The following ARHGAP28 variants were observed in gnomAD, a reference collection of about 807,000 sequenced individuals.
ARHGAP28 encodes the protein Rho GTPase activating protein 28.
ARHGAP28 carries 56 observed loss-of-function variants against 90.7 expected under a neutral mutation model. The ratio of observed to expected loss-of-function variants is 0.62; its 90% CI spans 0.50 to 0.77. The LOEUF is 0.77. Among genes scored for constraint, ARHGAP28 ranks in the 30% least tolerant of loss-of-function variants. ARHGAP28 has a pLI of 0.00. For missense variants in ARHGAP28, 869 were observed against 900.9 expected (o/e 0.96, Z 0.45); for synonymous variants, 308 against 323.3 (o/e 0.95, Z 0.51).
chr18:6,830,327 C>T (rs535701443), intron 2 of ARHGAP28, among the ~76,000 whole-genome samples: 10 of 151,768 alleles, frequency 6.6e-5, no homozygotes, highest in African/African-American at 2.4e-4. Flanking sequence ...GAATGCTATT[C>T]TTTTTTTATT....
At chr18:6,781,740 A>G (rs892055287) in intron 1 of ARHGAP28, among the ~76,000 whole-genome samples, 1 of 152,164 alleles carries the variant, frequency 6.6e-6, no homozygotes, top group Non-Finnish European at 1.5e-5. Context: ...CATGGCCTCT[A>G]ATTGCTCATA....
At chr18:6,901,047 G>A (rs1341285644) in intron 16 of ARHGAP28, among the ~76,000 whole-genome samples, 1 of 152,164 alleles carries the variant, frequency 6.6e-6, no homozygotes, top group African/African-American at 2.4e-5. Flanking sequence ...CAGCAAAAAT[G>A]TCCTTCTGGA....
intron 1 of ARHGAP28, 144 bp from the exon 2 acceptor site, chr18:6,824,618 C>T (rs1157199921): frequency 1.6e-6 from 1 of 642,524 alleles, no homozygotes; most frequent in Non-Finnish European, 2.5e-6. Context: ...GGAGATTATT[C>T]CCTCAAACCT....
At chr18:6,850,748 C>T (rs2056903354) in intron 3 of ARHGAP28, 1 of 1,438,884 alleles carries the variant, frequency 6.9e-7, no homozygotes, top group African/African-American at 1.5e-5. Flanking sequence ...GGAGCAAAAT[C>T]ATGATATTCA....
At chr18:6,757,316 G>A (rs915080560) in intron 1 of ARHGAP28, among the ~76,000 whole-genome samples, 8 of 152,124 alleles carry the variant, frequency 5.3e-5, no homozygotes, top group African/African-American at 1.9e-4. Context: ...AAAATAGGGG[G>A]CAGGGCAGTG....
At chr18:6,811,720 G>GT (rs1567955533) in intron 1 of ARHGAP28, among the ~76,000 whole-genome samples, 1 of 148,506 alleles carries the variant, frequency 6.7e-6, no homozygotes, top group African/African-American at 2.6e-5. Flanking sequence ...ACATAGTGCT[G>GT]TTTTTTCTTT....
At chr18:6,896,400 C>G (rs2057304842) in intron 15 of ARHGAP28, 102 bp from the exon 16 acceptor site, 27 of 1,343,932 alleles carry the variant, frequency 2.0e-5, no homozygotes, top group Non-Finnish European at 2.8e-5. Context: ...GATGTGTTTT[C>G]CTAATTCAGA....
chr18:6,756,480 C>G (rs944587626), intron 1 of ARHGAP28, among the ~76,000 whole-genome samples: 5 of 152,254 alleles, frequency 3.3e-5, no homozygotes, highest in African/African-American at 9.6e-5. Context: ...AGGTTGATTT[C>G]TTAATATACA....
At chr18:6,862,965 GT>G (rs1158044002) in intron 5 of ARHGAP28, among the ~76,000 whole-genome samples, 1 of 151,956 alleles carries the variant, frequency 6.6e-6, no homozygotes, top group Non-Finnish European at 1.5e-5. Flanking sequence ...AGGAAAGTAG[GT>G]TTTTTTGTTT....
intron 1 of ARHGAP28, among the ~76,000 whole-genome samples, chr18:6,810,192 A>G (rs1310201815): frequency 6.6e-6 from 1 of 152,124 alleles, no homozygotes. Context: ...GATACCAGTA[A>G]GTGTATTGAT....
Position 6,824,746 on chromosome 18 carries a change from AT to A in ARHGAP28, c.123-14del. 6.6e-7 allele frequency: 1 copy of A among 1,526,200 alleles called. No individual in the cohort carries two copies. The highest frequency in any genetic ancestry group is 8.7e-7 in the Non-Finnish European group (1 of 1,143,230). The allele number at this position is 1,526,200 out of a possible 1,614,324, so 94.5% of individuals were successfully genotyped here. A position where few individuals can be genotyped will look rare whatever the true frequency, so the allele number is the denominator to read the frequency against. On this transcript the variant is annotated splice_polypyrimidine_tract_variant and intron_variant, in intron 1 of 17. Transcript: ENST00000383472. Reference sequence around the variant, plus strand: ...ATATAACCCGTTTTTATTCATAGATATTATTCTTTCCTCAGAAAATCCATTC... The same window carrying A: ...ATATAACCCGTTTTTATTCATAGATATATTCTTTCCTCAGAAAATCCATTC...
chr18:6,859,895 G>C lies in ARHGAP28; in HGVS notation c.724G>C (p.Val242Leu), dbSNP rs1462473966. 2 of 1,613,780 alleles carry C rather than the reference G, an allele frequency of 1.2e-6. No homozygotes were observed. The highest frequency in any genetic ancestry group is 1.7e-6 in the Non-Finnish European group (2 of 1,179,774). ...GSFAVPRSDS[V>L]AILETIPVLP... The stretch of plus-strand genomic sequence containing the variant: ...TTTTGCGGTTCCCAGGAGTGACTCT[G>C]TGGTAAGTCATCCATGTCAGCACAG... Residue 242 changes from valine to leucine, a missense_variant and splice_region_variant, in exon 5 of 18, where the codon GTG (valine) becomes CTG (leucine). By Grantham distance (32) the Val-to-Leu change is conservative (BLOSUM62 1). Transcript: ENST00000383472.
Position 6,730,223 on chromosome 18 carries a change from A to ATG in ARHGAP28, c.122+281_122+282insGT, listed in dbSNP as rs2055867953. On this transcript the variant is annotated intron_variant, in intron 1 of 17. Transcript: ENST00000383472. ...TACGATTTGAGGATAAGTCATGTGT[A>ATG]TATATATATATATACCTCATTTCGG... 3.0e-5 allele frequency: 6 copies of ATG among 197,234 alleles called. No homozygotes were observed. The East Asian group carries it at 5.4e-4, about 18-fold the overall frequency. The allele number at this position is 197,234 out of a possible 1,614,324, so 12.2% of individuals were successfully genotyped here. A position where few individuals can be genotyped will look rare whatever the true frequency, so the allele number is the denominator to read the frequency against.
Position 6,870,576 on chromosome 18 carries a change from T to C in ARHGAP28, c.812-14T>C. The C allele has an allele frequency of 6.3e-7, 1 of 1,598,244 alleles. No individual in the cohort carries two copies. The highest frequency in any genetic ancestry group is 8.5e-7 in the Non-Finnish European group (1 of 1,170,462). ...AGCATATTAAATAGTCTGTATTCTTTGTTTTGTCTTTAGATGATGATTTTC... is the reference window on the plus strand; with the variant it reads ...AGCATATTAAATAGTCTGTATTCTTCGTTTTGTCTTTAGATGATGATTTTC... On this transcript the variant is annotated splice_polypyrimidine_tract_variant and intron_variant, in intron 6 of 17. Coordinates refer to ENST00000383472, the MANE Select transcript of ARHGAP28 (RefSeq NM_001366230.1).
chr18:6,854,573 T>C (rs1233642546), intron 4 of ARHGAP28, among the ~76,000 whole-genome samples: 1 of 152,166 alleles, frequency 6.6e-6, no homozygotes, highest in Non-Finnish European at 1.5e-5. Flanking sequence ...AGCTCCTAAA[T>C]TTTATTGAAG....
chr18:6,880,022 G>C (rs2057164918), intron 10 of ARHGAP28, among the ~76,000 whole-genome samples: 1 of 152,192 alleles, frequency 6.6e-6, no homozygotes, highest in Non-Finnish European at 1.5e-5. Flanking sequence ...TTCCTTTGCA[G>C]AGGTATGTGG....
intron 4 of ARHGAP28, among the ~76,000 whole-genome samples, chr18:6,857,809 T>A (rs2056965690): frequency 6.6e-6 from 1 of 152,248 alleles, no homozygotes; most frequent in South Asian, 2.1e-4. Flanking sequence ...TGCAGAGGCA[T>A]AGAGCTGGAC....
chr18:6,779,624 C>T (rs1276486340), intron 1 of ARHGAP28, among the ~76,000 whole-genome samples: 3 of 152,168 alleles, frequency 2.0e-5, no homozygotes, highest in Non-Finnish European at 4.4e-5. Flanking sequence ...ACTATCTGCC[C>T]CAGTTCTAGG....
At position 6,729,846 on chromosome 18, in the gene ARHGAP28, G is replaced by A. The variant is rs1479747716; in HGVS notation, c.25G>A (p.Val9Met). The change falls in exon 1 of 18, where the codon GTG becomes ATG. Residue 9 changes from valine (V) to methionine (M), a missense_variant. Transcript: ENST00000383472. Reference protein sequence around the residue: MEVEDSGGVVLTAYHSYAR... With the variant: MEVEDSGGMVLTAYHSYAR... ...GATGGAGGTGGAGGACTCGGGCGGC[G>A]TGGTGCTGACCGCCTACCACTCGTA... 5 of 1,429,550 alleles carry A rather than the reference G, an allele frequency of 3.5e-6. No homozygotes were observed. The highest frequency in any genetic ancestry group is 1.4e-5 in the South Asian group (1 of 70,192). The allele number at this position is 1,429,550 out of a possible 1,614,324, so 88.6% of individuals were successfully genotyped here.
Sources: gnomAD v4.1 joint callset for allele counts (sites outside exome capture counted in the v4.1 genomes callset) on GRCh38, gnomAD v4.1.1 for gene constraint, MANE v1.5 for transcripts, NCBI Gene and HGNC (gene_info 2026-07-23, HGNC 2026-07-21) for gene names.